PLA2G6: variants seen among roughly 807,000 people sequenced by gnomAD.
The protein encoded by PLA2G6 is phospholipase A2 group VI.
In PLA2G6, 62 loss-of-function variants were observed where a neutral mutation model predicts 83.8. The ratio of observed to expected loss-of-function variants is 0.74; its 90% CI spans 0.60 to 0.91. The LOEUF (loss-of-function observed/expected upper bound fraction) is 0.91. Ranked by LOEUF, PLA2G6 falls within the 40% of genes least tolerant of loss-of-function variation. The pLI is 0.00. For missense variants in PLA2G6, 944 were observed against 1,102.0 expected, an observed-to-expected ratio of 0.86 and a Z score of 2.03; for synonymous variants, 417 against 449.8, an observed-to-expected ratio of 0.93 and a Z score of 0.92.
intron 4 of PLA2G6, chr22:38,140,539 A>G (rs778284404): frequency 4.0e-5 from 11 of 275,744 alleles, no homozygotes; most frequent in Non-Finnish European, 7.9e-5. Flanking sequence ...AAGCACCAGG[A>G]AAGCCAAGTG....
chr22:38,157,123 T>G (rs1415188528), intron 2 of PLA2G6, among the ~76,000 whole-genome samples: 1 of 151,962 alleles, frequency 6.6e-6, no homozygotes, highest in African/African-American at 2.4e-5. Context: ...ATAAAGATCA[T>G]AGCAGAAATA....
Position 38,114,942 on chromosome 22 carries a change from G to A in PLA2G6, c.2034+585C>T, listed in dbSNP as rs750604884. 5.9e-5 allele frequency among the ~76,000 whole-genome samples: 9 copies of A among 152,042 alleles called. 1 individual carries two copies. In the South Asian group the frequency reaches 6.2e-4, roughly 11 times the overall value. ...CTCAGCCACCGCGCTCGCCCACCCC[G>A]GTCACCCACCGCCCGCCACGCCACA... On this transcript the variant is annotated intron_variant, in intron 14 of 16. Transcript: ENST00000332509.
Position 38,129,478 on chromosome 22 carries a change from A to G in PLA2G6, c.1162T>C (p.Phe388Leu). ...TPNDFGETPT[F>L]LASKIGRLVT... is the part of the protein sequence containing the mutation. ...CGTCTGCCGATTTTGGAGGCTAGGAATGTAGGAGTCTCCCCAAAGTCATTC... is the reference window on the plus strand; with the variant it reads ...CGTCTGCCGATTTTGGAGGCTAGGAGTGTAGGAGTCTCCCCAAAGTCATTC... The change falls in exon 8 of 17, where the codon TTC becomes CTC. Residue 388 changes from phenylalanine to leucine, a missense_variant. Phe to Leu is a conservative substitution (Grantham distance 22). Coordinates refer to ENST00000332509, the MANE Select transcript of PLA2G6 (RefSeq NM_003560.4). The G allele has an allele frequency of 6.2e-7, 1 of 1,613,178 alleles. No homozygotes were observed. Among genetic ancestry groups the G allele is most frequent in the Non-Finnish European group, 8.5e-7 (1 of 1,179,128 alleles).
At chr22:38,115,873 AGGACTTTCCAG>A in intron 13 of PLA2G6, 191 bp downstream of exon 13, 1 of 1,478,734 alleles carries the variant, frequency 6.8e-7, no homozygotes, top group Non-Finnish European at 9.0e-7. Flanking sequence ...GGTACAGCTG[AGGACTTTCCAG>A]GGACTTTTCT....
At chr22:38,180,137 GCAGACACA>G (rs752701799) in intron 1 of PLA2G6, among the ~76,000 whole-genome samples, 3 of 122,758 alleles carry the variant, frequency 2.4e-5, no homozygotes, top group Non-Finnish European at 4.9e-5. Flanking sequence ...ATAGATGTCT[GCAGACACA>G]CACACACACA....
intron 3 of PLA2G6, chr22:38,144,483 A>G (rs1053212437): frequency 6.6e-6 from 1 of 152,088 alleles, no homozygotes; most frequent in African/African-American, 2.4e-5. Flanking sequence ...ACACAAAAAA[A>G]TTAGCCGGGC....
At chr22:38,162,286 G>C (rs1384500218) in intron 2 of PLA2G6, among the ~76,000 whole-genome samples, 1 of 152,052 alleles carries the variant, frequency 6.6e-6, no homozygotes, top group Non-Finnish European at 1.5e-5. Context: ...AGCCATGGTG[G>C]AGAACTGAAA....
At chr22:38,119,754 A>T (rs2087417061) in intron 12 of PLA2G6, among the ~76,000 whole-genome samples, 1 of 152,166 alleles carries the variant, frequency 6.6e-6, no homozygotes, top group Non-Finnish European at 1.5e-5. Context: ...TCGAGGCTGC[A>T]GTAAGCCGTG....
rs771809118 is a variant in PLA2G6, at chr22:38,140,023, G to C, written c.756C>G (p.Asn252Lys). The C allele has an allele frequency of 6.2e-7, 1 of 1,611,080 alleles. No homozygotes were observed. Among genetic ancestry groups the C allele is most frequent in the Non-Finnish European group, 8.5e-7 (1 of 1,178,580 alleles). Residue 252 changes from asparagine (N) to lysine (K), a missense_variant, in exon 5 of 17, where the codon AAC (asparagine) becomes AAG (lysine). Asn to Lys is a moderately conservative substitution (Grantham distance 94, BLOSUM62 0). Coordinates refer to ENST00000332509, the MANE Select transcript of PLA2G6 (RefSeq NM_003560.4). ...TCATGGCCGAGTGGATGGGGTAGCC[G>C]TTGGGGCCCATGATGTTGCACCGAG... ...CNARCNIMGP[N>K]GYPIHSAMKF...
intron 2 of PLA2G6, among the ~76,000 whole-genome samples, chr22:38,154,671 A>C (rs2089706014): frequency 6.6e-6 from 1 of 152,242 alleles, no homozygotes; most frequent in African/African-American, 2.4e-5. Flanking sequence ...CCCAGACTGC[A>C]AAGACTACAA....
chr22:38,131,357 A>G (rs1285637097), intron 7 of PLA2G6: 1 of 152,024 alleles, frequency 6.6e-6, no homozygotes, highest in Non-Finnish European at 1.5e-5. Flanking sequence ...TTTTAATTTT[A>G]ATTTTTGTGG....
At chr22:38,167,010 C>T (rs555717440) in intron 2 of PLA2G6, among the ~76,000 whole-genome samples, 4 of 151,946 alleles carry the variant, frequency 2.6e-5, no homozygotes, top group South Asian at 4.2e-4. Flanking sequence ...AGGCGGATCA[C>T]GAGGTCAGGA....
chr22:38,179,696 T>A (rs534741143), intron 1 of PLA2G6, among the ~76,000 whole-genome samples: 2 of 152,162 alleles, frequency 1.3e-5, no homozygotes, highest in South Asian at 4.1e-4. Flanking sequence ...GGCAGGAGAA[T>A]CAGGAGGTGG....
chr22:38,153,481 A>C (rs1211865850), intron 2 of PLA2G6, among the ~76,000 whole-genome samples: 1 of 152,086 alleles, frequency 6.6e-6, no homozygotes, highest in Non-Finnish European at 1.5e-5. Context: ...TTAATTGAAA[A>C]AAAAAGTAGC....
intron 2 of PLA2G6, among the ~76,000 whole-genome samples, chr22:38,162,244 T>C (rs973180267): frequency 7.1e-6 from 1 of 140,176 alleles, no homozygotes; most frequent in East Asian, 2.1e-4. Flanking sequence ...AAAAAGAAAG[T>C]GAGAGCAGTC....
intron 2 of PLA2G6, among the ~76,000 whole-genome samples, chr22:38,167,022 A>C (rs1350516054): frequency 7.3e-5 from 11 of 151,612 alleles, no homozygotes; most frequent in Admixed American, 7.2e-4. Flanking sequence ...AGGTCAGGAG[A>C]TTGAGACCAT....
At chr22:38,126,000 T>C (rs1018923263) in intron 10 of PLA2G6, among the ~76,000 whole-genome samples, 1 of 151,596 alleles carries the variant, frequency 6.6e-6, no homozygotes, top group African/African-American at 2.4e-5. Context: ...CAGTGGGAGG[T>C]GGTTAAGGAA....
At chr22:38,179,905 G>C (rs1043634259) in intron 1 of PLA2G6, among the ~76,000 whole-genome samples, 12 of 151,948 alleles carry the variant, frequency 7.9e-5, no homozygotes, top group African/African-American at 2.9e-4. Context: ...TAAATTTGTG[G>C]GCTGACAGAA....
Position 38,132,763 on chromosome 22 carries a change from C to G in PLA2G6, c.1077+68G>C, listed in dbSNP as rs1448929338. 3.1e-5 allele frequency: 41 copies of G among 1,342,204 alleles called. No individual in the cohort carries two copies. Among genetic ancestry groups the G allele is most frequent in the Non-Finnish European group, 3.9e-5 (38 of 974,620 alleles). 83.1% of individuals were successfully genotyped at this position (1,342,204 alleles called of 1,614,324 possible). ...AGGGAGACAGTGGGGAGGAGGGCTC[C>G]AGTCCGGACAGCCCTCCTGCATTCC... On this transcript the variant is annotated intron_variant, in intron 7 of 16. Coordinates refer to ENST00000332509, the MANE Select transcript of PLA2G6 (RefSeq NM_003560.4). This position sits in a 1 kb window ranked among gnomAD's most constrained non-coding sequence, Gnocchi z 5.0.
Sources: gnomAD v4.1 joint callset for allele counts (sites outside exome capture counted in the v4.1 genomes callset) on GRCh38, gnomAD v4.1.1 for gene constraint, Gnocchi (gnomAD v3.1) non-coding constraint, MANE v1.5 for transcripts, NCBI Gene and HGNC (gene_info 2026-07-23, HGNC 2026-07-21) for gene names.